PRKD1: variants seen among roughly 807,000 people sequenced by gnomAD.
PRKD1 encodes serine/threonine-protein kinase D1.
A neutral mutation model predicts 95.9 loss-of-function variants in PRKD1; 63 were observed. That is an observed-to-expected ratio of 0.66 (90% CI 0.54 to 0.81). The LOEUF is 0.81. Ranked by LOEUF, PRKD1 falls within the 30% of genes least tolerant of loss-of-function variation. PRKD1 has a pLI of 0.00. For missense variants in PRKD1, 1,048 were observed against 1,165.3 expected, an observed-to-expected ratio of 0.90 and a Z score of 1.47; for synonymous variants, 425 against 423.1, an observed-to-expected ratio of 1.00 and a Z score of -0.05.
intron 1 of PRKD1, among the ~76,000 whole-genome samples, chr14:29,737,145 AC>A (rs1488781858): frequency 1.3e-5 from 2 of 150,470 alleles, no homozygotes; most frequent in African/African-American, 4.9e-5. Context: ...ACAAGGTGAA[AC>A]CCCGTCTCTA....
chr14:29,675,410 T>C (rs1288843849), intron 2 of PRKD1, among the ~76,000 whole-genome samples: 2 of 152,176 alleles, frequency 1.3e-5, no homozygotes, highest in East Asian at 3.9e-4. Context: ...CGCTTCCCCA[T>C]CCCCATTCTT....
intron 2 of PRKD1, among the ~76,000 whole-genome samples, chr14:29,709,279 A>T (rs907125753): frequency 2.6e-5 from 4 of 152,212 alleles, no homozygotes; most frequent in African/African-American, 9.6e-5. Flanking sequence ...GAATTATTTT[A>T]CAGTTTTTGT....
Position 29,838,072 on chromosome 14 carries a change from T to C in PRKD1, c.264+89177A>G, listed in dbSNP as rs1891680462. On this transcript the variant is annotated intron_variant, in intron 1 of 17. Coordinates refer to ENST00000331968, the MANE Select transcript of PRKD1 (RefSeq NM_002742.3). Reference sequence around the variant, plus strand: ...AAAACTCCCCCTGTTTGCATTCACATACTAATTTTCACAGGAGAAGACCTC... The same window carrying C: ...AAAACTCCCCCTGTTTGCATTCACACACTAATTTTCACAGGAGAAGACCTC... Among the ~76,000 whole-genome samples the C allele has an allele frequency of 2.0e-5, 3 of 152,160 alleles. No homozygotes were observed. The South Asian group carries it at 6.2e-4, about 31-fold the overall frequency.
At chr14:29,892,999 C>T (rs916301244) in intron 1 of PRKD1, among the ~76,000 whole-genome samples, 1 of 152,128 alleles carries the variant, frequency 6.6e-6, no homozygotes. Context: ...ATTTGAAACC[C>T]TTAGAATGCC....
intron 4 of PRKD1, among the ~76,000 whole-genome samples, chr14:29,641,757 A>G (rs1361486947): frequency 2.0e-5 from 3 of 152,214 alleles, no homozygotes; most frequent in African/African-American, 7.2e-5. Flanking sequence ...TTGATACATA[A>G]CAGATTATTA....
intron 1 of PRKD1, among the ~76,000 whole-genome samples, chr14:29,816,630 T>A (rs1890703620): frequency 6.6e-6 from 1 of 152,222 alleles, no homozygotes; most frequent in African/African-American, 2.4e-5. Context: ...TCTTAAAATA[T>A]AACCTCAGCC....
chr14:29,744,794 G>A (rs192160310), intron 1 of PRKD1, among the ~76,000 whole-genome samples: 3 of 152,060 alleles, frequency 2.0e-5, no homozygotes, highest in African/African-American at 4.8e-5. Context: ...TGATCCACCC[G>A]CCTTGGCCTC....
At chr14:29,713,455 T>A (rs1280299311) in intron 2 of PRKD1, among the ~76,000 whole-genome samples, 2 of 152,184 alleles carry the variant, frequency 1.3e-5, no homozygotes, top group Non-Finnish European at 2.9e-5. Flanking sequence ...TTATGAAGTA[T>A]AACAATAAAG....
intron 13 of PRKD1, among the ~76,000 whole-genome samples, chr14:29,604,737 T>C (rs891909184): frequency 1.3e-5 from 2 of 152,192 alleles, no homozygotes; most frequent in Admixed American, 6.5e-5. Context: ...AAACAGACTA[T>C]ACTTACCTGA....
chr14:29,848,118 G>C (rs951411333), intron 1 of PRKD1, among the ~76,000 whole-genome samples: 1 of 152,162 alleles, frequency 6.6e-6, no homozygotes, highest in Non-Finnish European at 1.5e-5. Flanking sequence ...CCCACACCCA[G>C]TCCTATGGCA....
At chr14:29,735,469 A>G (rs1346180630) in intron 1 of PRKD1, among the ~76,000 whole-genome samples, 1 of 152,224 alleles carries the variant, frequency 6.6e-6, no homozygotes, top group Non-Finnish European at 1.5e-5. Flanking sequence ...AAGAGTAGAG[A>G]AAAAATTCAA....
At chr14:29,699,627 G>A (rs1043853325) in intron 2 of PRKD1, among the ~76,000 whole-genome samples, 5 of 152,062 alleles carry the variant, frequency 3.3e-5, no homozygotes, top group East Asian at 1.9e-4. Flanking sequence ...ATTTTTAATT[G>A]TTTAGGAGTT....
chr14:29,817,714 A>G (rs1205834933), intron 1 of PRKD1, among the ~76,000 whole-genome samples: 1 of 152,154 alleles, frequency 6.6e-6, no homozygotes, highest in Non-Finnish European at 1.5e-5. Context: ...GAACCCAAGC[A>G]GCAAGACTCC....
chr14:29,653,090 C>T (rs1377760335), intron 4 of PRKD1, among the ~76,000 whole-genome samples: 1 of 151,990 alleles, frequency 6.6e-6, no homozygotes, highest in South Asian at 2.1e-4. Context: ...TAGTACAATC[C>T]GTGTCTTCAT....
intron 1 of PRKD1, among the ~76,000 whole-genome samples, chr14:29,862,515 C>T (rs1346105718): frequency 2.0e-5 from 3 of 152,096 alleles, no homozygotes; most frequent in African/African-American, 4.8e-5. Context: ...ATGAGGGTTG[C>T]CAATTCTCCA....
chr14:29,837,477 TAA>T (rs1188785352), intron 1 of PRKD1, among the ~76,000 whole-genome samples: 3 of 152,116 alleles, frequency 2.0e-5, no homozygotes, highest in Non-Finnish European at 4.4e-5. Context: ...ACTATAAAAG[TAA>T]AGAGGTAATC....
intron 1 of PRKD1, among the ~76,000 whole-genome samples, chr14:29,852,126 G>C (rs1361507661): frequency 6.6e-6 from 1 of 151,980 alleles, no homozygotes; most frequent in African/African-American, 2.4e-5. Flanking sequence ...CTACCTAGTG[G>C]GTACTATGTT....
At chr14:29,824,211 C>G (rs1038802067) in intron 1 of PRKD1, among the ~76,000 whole-genome samples, 1 of 152,148 alleles carries the variant, frequency 6.6e-6, no homozygotes, top group Admixed American at 6.6e-5. Context: ...GAGAAACAGC[C>G]TCTGTCACAC....
In PRKD1 at chr14:29,795,513, C is replaced by A. The variant is rs534549157; in HGVS notation, c.265-69839G>T. ...TATGAAAGCTCTAATTAAACATTGT[C>A]TTTTCTTCAATATGAGTAGTATTAT... On this transcript the variant is annotated intron_variant, in intron 1 of 17. Coordinates refer to ENST00000331968, the MANE Select transcript of PRKD1 (RefSeq NM_002742.3). Among the ~76,000 whole-genome samples, 7 of 152,150 alleles carry A rather than the reference C, an allele frequency of 4.6e-5. No homozygotes were observed. In the East Asian group the frequency reaches 1.2e-3, roughly 25 times the overall value.
Sources: gnomAD v4.1 joint callset for allele counts (sites outside exome capture counted in the v4.1 genomes callset) on GRCh38, gnomAD v4.1.1 for gene constraint, MANE v1.5 for transcripts, NCBI Gene and HGNC (gene_info 2026-07-23, HGNC 2026-07-21) for gene names.